NFKBIZ: variants seen among roughly 807,000 people sequenced by gnomAD.
NFKBIZ encodes the protein NFKB inhibitor zeta.
In NFKBIZ, 19 loss-of-function variants were observed where a neutral mutation model predicts 76.8. The ratio of observed to expected loss-of-function variants is 0.25; its 90% CI spans 0.17 to 0.36. NFKBIZ has a LOEUF of 0.36. Ranked by LOEUF, NFKBIZ falls within the 10% of genes least tolerant of loss-of-function variation. The pLI is 1.00. For missense variants in NFKBIZ, 829 were observed against 910.9 expected, an observed-to-expected ratio of 0.91 and a Z score of 1.16; for synonymous variants, 368 against 354.8, an observed-to-expected ratio of 1.04 and a Z score of -0.42.
chr3:101,842,592 C>CTTT (rs573749526), intron 2 of NFKBIZ, among the ~76,000 whole-genome samples: 1 of 130,348 alleles, frequency 7.7e-6, no homozygotes, highest in African/African-American at 2.8e-5. Flanking sequence ...CTTTTCTTTT[C>CTTT]TTTTTTTTTT....
intron 2 of NFKBIZ, among the ~76,000 whole-genome samples, chr3:101,832,676 G>A (rs181822011): frequency 2.4e-4 from 36 of 152,276 alleles, no homozygotes; most frequent in African/African-American, 8.4e-4. Context: ...ATATTCCAGC[G>A]TGTGTGTAGG....
chr3:101,853,559 G>T lies in NFKBIZ; in HGVS notation c.1033G>T (p.Gly345Cys). Reference sequence around the variant, plus strand: ...AAACCAAAGCTTAGTTTCCCTTCTTGGTGATCAAAGGGAATCTGAGAATAT... The same window carrying T: ...AAACCAAAGCTTAGTTTCCCTTCTTTGTGATCAAAGGGAATCTGAGAATAT... Reference protein sequence around the residue: ...CPNQSLVSLLGDQRESENIAN... With the variant: ...CPNQSLVSLLCDQRESENIAN... Residue 345 changes from glycine (G) to cysteine (C), a missense_variant, in exon 5 of 12, where the codon GGT becomes TGT. By Grantham distance (159) the Gly-to-Cys change is radical (BLOSUM62 -3). This residue lies in a region of NFKBIZ where 371 missense variants were observed against 332.3 expected (regional missense o/e 1.12). Coordinates refer to ENST00000326172, the MANE Select transcript of NFKBIZ (RefSeq NM_031419.4). 2 of 1,614,182 alleles carry T rather than the reference G, an allele frequency of 1.2e-6. No individual in the cohort carries two copies. The highest frequency in any genetic ancestry group is 8.5e-7 in the Non-Finnish European group (1 of 1,180,038).
intron 5 of NFKBIZ, 117 bp from the exon 6 acceptor site, chr3:101,854,461 A>C (rs913094382): frequency 1.6e-5 from 10 of 636,946 alleles, no homozygotes; most frequent in African/African-American, 3.7e-5. Flanking sequence ...GTAATGTTTC[A>C]TTTGAGTGTA....
chr3:101,857,251 C>T (rs1560089966), intron 10 of NFKBIZ, 41 bp from the exon 11 acceptor site: 1 of 1,612,332 alleles, frequency 6.2e-7, no homozygotes, highest in Non-Finnish European at 8.5e-7. Context: ...CATGAAATTT[C>T]CCCCTTCCTG....
At chr3:101,838,978 A>G (rs1040335322) in intron 2 of NFKBIZ, among the ~76,000 whole-genome samples, 2 of 152,212 alleles carry the variant, frequency 1.3e-5, no homozygotes, top group Non-Finnish European at 2.9e-5. Flanking sequence ...CGCATATGGC[A>G]GATATTAAAT....
At position 101,849,927 on chromosome 3, in the gene NFKBIZ, G is replaced by A. The variant is rs375895348; in HGVS notation, c.289+10G>A. 2.7e-4 allele frequency: 377 copies of A among 1,403,804 alleles called. 5 individuals are homozygous for A. Among genetic ancestry groups the A allele is most frequent in the Middle Eastern group, 2.3e-3 (9 of 3,870 alleles). The allele number at this position is 1,403,804 out of a possible 1,614,324, so 87.0% of individuals were successfully genotyped here. ...GCCGAGCGCCAGCCAGGTACCCGCC[G>A]GCCCCGCACCGCTGCGTACTCGGGG... On this transcript the variant is annotated intron_variant, in intron 1 of 11. Coordinates refer to ENST00000326172, the MANE Select transcript of NFKBIZ (RefSeq NM_031419.4).
chr3:101,855,346 A>G (rs1431816028), intron 7 of NFKBIZ, 49 bp from the exon 8 acceptor site: 2 of 1,609,020 alleles, frequency 1.2e-6, no homozygotes, highest in Admixed American at 1.7e-5. Flanking sequence ...TCTAATAGGT[A>G]TATGCGCAGC....
At chr3:101,844,243 C>A (rs1342976555) in intron 2 of NFKBIZ, among the ~76,000 whole-genome samples, 1 of 152,206 alleles carries the variant, frequency 6.6e-6, no homozygotes, top group Non-Finnish European at 1.5e-5. Flanking sequence ...CAGGATGCAG[C>A]ACAAACTTCT....
chr3:101,850,137 C>G (rs1214044067), intron 1 of NFKBIZ: 1 of 425,948 alleles, frequency 2.3e-6, no homozygotes, highest in Non-Finnish European at 4.0e-6. Flanking sequence ...CCGCGGGCCT[C>G]GGGGGGGCTT....
chr3:101,837,989 A>G (rs1468673648), intron 2 of NFKBIZ, among the ~76,000 whole-genome samples: 1 of 152,226 alleles, frequency 6.6e-6, no homozygotes, highest in Non-Finnish European at 1.5e-5. Context: ...CAAATTCTAC[A>G]GTTATGATAT....
At chr3:101,833,284 G>A (rs2107393816) in intron 2 of NFKBIZ, among the ~76,000 whole-genome samples, 1 of 152,298 alleles carries the variant, frequency 6.6e-6, no homozygotes, top group Middle Eastern at 3.4e-3. Context: ...ATTAGGTCTT[G>A]TGAATGAAGA....
At chr3:101,857,215 C>A (rs1414928186) in intron 10 of NFKBIZ, 32 bp downstream of exon 10, 9 of 378,530 alleles carry the variant, frequency 2.4e-5, no homozygotes, top group Non-Finnish European at 3.6e-5. Flanking sequence ...CTTCTGTACA[C>A]CCTCTCAAAG....
intron 2 of NFKBIZ, among the ~76,000 whole-genome samples, chr3:101,832,365 C>G (rs776816896): frequency 6.6e-6 from 1 of 152,170 alleles, no homozygotes. Flanking sequence ...TTCAGTGCCA[C>G]TAAGTACTTT....
At chr3:101,852,282 G>A in intron 2 of NFKBIZ, 58 bp downstream of exon 2, 5 of 1,574,672 alleles carry the variant, frequency 3.2e-6, no homozygotes, top group Non-Finnish European at 4.3e-6. Flanking sequence ...AGTCTGTCAG[G>A]GTTATTATGA....
chr3:101,851,558 G>C (rs1227298772), intron 1 of NFKBIZ, among the ~76,000 whole-genome samples: 1 of 152,204 alleles, frequency 6.6e-6, no homozygotes, highest in African/African-American at 2.4e-5. Context: ...GTTGTTTTGT[G>C]CCTTCTTAGG....
chr3:101,853,146 A>C lies in NFKBIZ; in HGVS notation c.620A>C (p.Glu207Ala), dbSNP rs755624114. The C allele has an allele frequency of 6.2e-7, 1 of 1,614,216 alleles. No individual in the cohort carries two copies. Among genetic ancestry groups the C allele is most frequent in the South Asian group, 1.1e-5 (1 of 91,088 alleles). Residue 207 changes from glutamate (E) to alanine (A), a missense_variant, in exon 5 of 12, where the codon GAA becomes GCA. Physicochemically the swap from Glu to Ala is moderately radical, Grantham distance 107 (BLOSUM62 -1). Transcript: ENST00000326172. The stretch of plus-strand genomic sequence containing the variant: ...AGCATGGAAGATGTTCATCTCAATG[A>C]ACCCAAACAGGAGAGCAGTGCTGAT... ...GESMEDVHLN[E>A]PKQESSADLL...
intron 9 of NFKBIZ, 97 bp from the exon 10 acceptor site, chr3:101,856,976 C>G (rs1943058021): frequency 2.4e-6 from 2 of 841,436 alleles, no homozygotes; most frequent in African/African-American, 3.4e-5. Flanking sequence ...GTCTCTGAAG[C>G]TGAATCAGAC....
intron 11 of NFKBIZ, among the ~76,000 whole-genome samples, 178 bp from the exon 12 acceptor site, chr3:101,859,140 T>A (rs910735329): frequency 1.3e-5 from 2 of 152,076 alleles, no homozygotes; most frequent in African/African-American, 2.4e-5. Context: ...TTAAAAGGAG[T>A]TTAGTATTTT....
intron 11 of NFKBIZ, chr3:101,857,860 C>T: frequency 2.1e-6 from 2 of 933,320 alleles, no homozygotes; most frequent in Non-Finnish European, 1.3e-6. Flanking sequence ...GGAGTGCTCA[C>T]AATAGTCCCG....
Sources: gnomAD v4.1 joint callset for allele counts (sites outside exome capture counted in the v4.1 genomes callset) on GRCh38, gnomAD v4.1.1 for gene constraint, gnomAD v4.1.1 regional missense constraint, MANE v1.5 for transcripts, NCBI Gene and HGNC (gene_info 2026-07-23, HGNC 2026-07-21) for gene names.